Variants in RNF220 observed in about 807,000 individuals in gnomAD.
The protein encoded by RNF220 is E3 ubiquitin-protein ligase RNF220.
RNF220 carries 7 observed loss-of-function variants against 67.1 expected under a neutral mutation model. The observed-to-expected ratio is 0.10, with a 90% CI of 0.06 to 0.20. The LOEUF (loss-of-function observed/expected upper bound fraction) is 0.20, where lower values mean the gene tolerates loss of function less well. RNF220 is among the 10% of genes least tolerant of loss of function. The pLI is 1.00. For synonymous variants in RNF220, 270 were observed against 283.2 expected (o/e 0.95, Z 0.47); for missense variants, 565 against 740.3 (o/e 0.76, Z 2.75).
intron 2 of RNF220, among the ~76,000 whole-genome samples, chr1:44,474,915 G>A (rs1330984443): frequency 3.3e-5 from 5 of 152,076 alleles, no homozygotes; most frequent in African/African-American, 1.2e-4. Context: ...TGTCTGGAGG[G>A]TCTCCTGGAA....
intron 1 of RNF220, chr1:44,408,987 G>T (rs1647689602): frequency 6.6e-6 from 1 of 152,242 alleles, no homozygotes; most frequent in South Asian, 2.1e-4. Context: ...CGGTTTTTCT[G>T]TGCGAAAGTG....
intron 2 of RNF220, among the ~76,000 whole-genome samples, chr1:44,485,527 T>A (rs1048368148): frequency 3.9e-5 from 6 of 152,084 alleles, no homozygotes; most frequent in African/African-American, 7.2e-5. Flanking sequence ...GGGAAAAATA[T>A]AAAGAAAACA....
rs186142283 is a variant in RNF220 at position 44,438,309 on chromosome 1, G to A, written c.625+25587G>A. 2.0e-3 allele frequency among the ~76,000 whole-genome samples: 305 copies of A among 152,198 alleles called. 4 individuals carry two copies. Among genetic ancestry groups the A allele is most frequent in the African/African-American group, 7.0e-3 (291 of 41,532 alleles). ...CTAATTAAAAAAATTTTTTTGTAGAGATGGAGTCTCACAATGTTGCCCAGG... is the reference window on the plus strand; with the variant it reads ...CTAATTAAAAAAATTTTTTTGTAGAAATGGAGTCTCACAATGTTGCCCAGG... On this transcript the variant is annotated intron_variant, in intron 2 of 14. Transcript: ENST00000361799.
intron 2 of RNF220, among the ~76,000 whole-genome samples, chr1:44,595,015 C>T (rs270703): frequency 0.81 from 122,692 of 152,200 alleles, 50,334 homozygotes; most frequent in Middle Eastern, 0.9. Context: ...ACTATGGAGC[C>T]GTTTAGTTAG....
chr1:44,648,538 A>C (rs1424071984), intron 12 of RNF220: 2 of 152,174 alleles, frequency 1.3e-5, no homozygotes, highest in African/African-American at 2.4e-5. Flanking sequence ...AGAGAGTCCT[A>C]GCTATTCCCT....
intron 2 of RNF220, among the ~76,000 whole-genome samples, chr1:44,503,220 G>C (rs1351815853): frequency 6.6e-6 from 1 of 150,932 alleles, no homozygotes; most frequent in Non-Finnish European, 1.5e-5. Context: ...TGTAATCCCA[G>C]CTATTTGGGA....
At chr1:44,500,980 A>G (rs1657799430) in intron 2 of RNF220, among the ~76,000 whole-genome samples, 2 of 148,350 alleles carry the variant, frequency 1.3e-5, no homozygotes, top group African/African-American at 4.9e-5. Flanking sequence ...TGGGGGCCCC[A>G]TAGAGGCCCC....
At chr1:44,408,632 T>TA (rs2147794382) in intron 1 of RNF220, 1 of 152,248 alleles carries the variant, frequency 6.6e-6, no homozygotes, top group East Asian at 1.9e-4. Flanking sequence ...AAAGGAAAAA[T>TA]ATCGTTTAAT....
chr1:44,469,690 A>T (rs10890304), intron 2 of RNF220, among the ~76,000 whole-genome samples: 31,068 of 152,176 alleles, frequency 0.2, 3,455 homozygotes, highest in East Asian at 0.45. Context: ...TGTGAAGAAG[A>T]ATTATGCAGT....
intron 2 of RNF220, among the ~76,000 whole-genome samples, chr1:44,503,996 C>T (rs150207863): frequency 3.9e-5 from 6 of 152,110 alleles, no homozygotes; most frequent in Admixed American, 6.6e-5. Flanking sequence ...ACTACAGGTG[C>T]GTGCCACCAT....
At chr1:44,457,269 A>G (rs1001147161) in intron 2 of RNF220, among the ~76,000 whole-genome samples, 2 of 152,202 alleles carry the variant, frequency 1.3e-5, no homozygotes, top group African/African-American at 4.8e-5. Context: ...TTATCATAAC[A>G]TTTCAATAGG....
At chr1:44,474,538 G>A (rs1361846542) in intron 2 of RNF220, among the ~76,000 whole-genome samples, 1 of 151,482 alleles carries the variant, frequency 6.6e-6, no homozygotes, top group African/African-American at 2.4e-5. Flanking sequence ...GCAAGACCCT[G>A]TCTCTTCAGA....
chr1:44,512,557 C>T (rs1258657976), intron 2 of RNF220, among the ~76,000 whole-genome samples: 3 of 152,100 alleles, frequency 2.0e-5, no homozygotes, highest in African/African-American at 7.2e-5. Context: ...TCCTAACTGA[C>T]TCCACAGCCC....
In RNF220 at chr1:44,479,117, ATT is replaced by A. The variant is rs556142473; in HGVS notation, c.625+66411_625+66412del. 5.8e-3 allele frequency among the ~76,000 whole-genome samples: 783 copies of A among 135,880 alleles called. 12 individuals are homozygous for A. Among genetic ancestry groups the A allele is most frequent in the African/African-American group, 0.019 (713 of 37,596 alleles). 89.1% of individuals were successfully genotyped at this position (135,880 alleles called of 152,430 possible). On this transcript the variant is annotated intron_variant, in intron 2 of 14. Coordinates refer to ENST00000361799, the MANE Select transcript of RNF220 (RefSeq NM_018150.4). ...TACAGCTCTCTCACAAACTTTGTGG[ATT>A]TTTTTTTTTTTTTTTAGACAGAGTC... is the stretch of plus-strand genomic sequence containing the variant.
intron 2 of RNF220, among the ~76,000 whole-genome samples, chr1:44,527,021 G>A (rs1660431812): frequency 6.6e-6 from 1 of 151,864 alleles, no homozygotes; most frequent in Non-Finnish European, 1.5e-5. Flanking sequence ...AGAGTACACT[G>A]CTTCACTTCT....
intron 2 of RNF220, among the ~76,000 whole-genome samples, chr1:44,510,699 G>A (rs1658915765): frequency 6.6e-6 from 1 of 152,102 alleles, no homozygotes. Context: ...CTAGTGGCAC[G>A]ATGAGGTGGG....
chr1:44,443,085 A>G (rs1651728081), intron 2 of RNF220, among the ~76,000 whole-genome samples: 1 of 152,244 alleles, frequency 6.6e-6, no homozygotes, highest in Non-Finnish European at 1.5e-5. Flanking sequence ...ATTAGGATCC[A>G]GAACAAATAT....
intron 12 of RNF220, chr1:44,648,267 C>A (rs1286151218): frequency 6.6e-6 from 1 of 152,198 alleles, no homozygotes; most frequent in East Asian, 1.9e-4. Context: ...GCTTTAGTTT[C>A]TTTGTATATA....
intron 2 of RNF220, among the ~76,000 whole-genome samples, chr1:44,520,126 T>A (rs867525146): frequency 0.019 from 2,470 of 132,594 alleles, 70 homozygotes; most frequent in African/African-American, 0.065. Flanking sequence ...TGTGTGTGTG[T>A]GTGAGAGAGA....
Sources: gnomAD v4.1 joint callset for allele counts (sites outside exome capture counted in the v4.1 genomes callset) on GRCh38, gnomAD v4.1.1 for gene constraint, MANE v1.5 for transcripts, NCBI Gene and HGNC (gene_info 2026-07-23, HGNC 2026-07-21) for gene names.